Variants in ROBO1 observed in about 807,000 individuals in gnomAD.
ROBO1 encodes the protein roundabout homolog 1.
Under a neutral mutation model 195.9 loss-of-function variants are expected in ROBO1, and 149 were observed. The observed-to-expected ratio is 0.76, with a 90% CI of 0.67 to 0.87. ROBO1 has a LOEUF of 0.87. Ranked by LOEUF, ROBO1 falls within the 40% of genes least tolerant of loss-of-function variation. The pLI is 0.00. For synonymous variants in ROBO1, 816 were observed against 733.2 expected, an observed-to-expected ratio of 1.11 and a Z score of -1.82; for missense variants, 1,933 against 2,068.3, an observed-to-expected ratio of 0.93 and a Z score of 1.27.
chr3:79,056,973 C>T (rs1483779525), intron 3 of ROBO1, among the ~76,000 whole-genome samples: 3 of 152,180 alleles, frequency 2.0e-5, no homozygotes, highest in South Asian at 2.1e-4. Flanking sequence ...TCCTTGAAAT[C>T]GGCTCGAAGT....
At position 78,727,348 on chromosome 3, in the gene ROBO1, C is replaced by T. The variant is rs963800142; in HGVS notation, c.658-9465G>A. On this transcript the variant is annotated intron_variant, in intron 5 of 30. Coordinates refer to ENST00000464233, the MANE Select transcript of ROBO1 (RefSeq NM_002941.4). Reference sequence around the variant, plus strand: ...ATACTTTAAAAAACTACATCTCGGCCGGGCGCGGTGGCTCATGCCTGTAAT... The same window carrying T: ...ATACTTTAAAAAACTACATCTCGGCTGGGCGCGGTGGCTCATGCCTGTAAT... Among the ~76,000 whole-genome samples the T allele has an allele frequency of 7.9e-5, 12 of 152,198 alleles. No individual in the cohort carries two copies. In the East Asian group the frequency reaches 1.5e-3, roughly 20 times the overall value.
At chr3:79,767,372 G>C (rs1363567380) in intron 1 of ROBO1, among the ~76,000 whole-genome samples, 1 of 152,006 alleles carries the variant, frequency 6.6e-6, no homozygotes, top group African/African-American at 2.4e-5. Flanking sequence ...AGCCAAAAGC[G>C]GCACGAAACC....
chr3:78,780,194 G>A (rs1446728479), intron 4 of ROBO1, among the ~76,000 whole-genome samples: 4 of 152,008 alleles, frequency 2.6e-5, no homozygotes, highest in African/African-American at 4.8e-5. Context: ...ACCATAGCAC[G>A]TGTATACCTG....
chr3:79,444,854 C>T (rs2039185752), intron 2 of ROBO1, among the ~76,000 whole-genome samples: 2 of 151,754 alleles, frequency 1.3e-5, no homozygotes, highest in African/African-American at 4.8e-5. Context: ...TATGGAAGAA[C>T]ATATACAAAG....
At chr3:78,804,323 G>T (rs919385127) in intron 4 of ROBO1, among the ~76,000 whole-genome samples, 3 of 151,948 alleles carry the variant, frequency 2.0e-5, no homozygotes, top group Non-Finnish European at 4.4e-5. Context: ...TCTCCAGAAA[G>T]ATATAAGAGA....
At chr3:79,567,008 G>T (rs753125977) in intron 2 of ROBO1, among the ~76,000 whole-genome samples, 22 of 152,210 alleles carry the variant, frequency 1.4e-4, no homozygotes, top group Middle Eastern at 3.4e-3. Flanking sequence ...CAACCTAAAT[G>T]CCCATCAATG....
At chr3:78,649,299 AAGG>A (rs1454797838) in intron 19 of ROBO1, among the ~76,000 whole-genome samples, 2 of 152,132 alleles carry the variant, frequency 1.3e-5, no homozygotes, top group Non-Finnish European at 2.9e-5. Context: ...AAGAGATGAA[AAGG>A]AGGTCAATCT....
intron 2 of ROBO1, among the ~76,000 whole-genome samples, chr3:79,365,226 T>C (rs926375892): frequency 2.6e-5 from 4 of 152,150 alleles, no homozygotes; most frequent in African/African-American, 4.8e-5. Flanking sequence ...TTCACCAGCA[T>C]TTTTTATATC....
At chr3:78,650,267 C>T (rs1230038778) in intron 19 of ROBO1, among the ~76,000 whole-genome samples, 1 of 152,034 alleles carries the variant, frequency 6.6e-6, no homozygotes, top group Admixed American at 6.6e-5. Context: ...TTTCAGTAAC[C>T]TCCAAGCCCT....
chr3:79,039,565 A>G (rs915372855), intron 3 of ROBO1, among the ~76,000 whole-genome samples: 3 of 152,098 alleles, frequency 2.0e-5, no homozygotes, highest in Non-Finnish European at 4.4e-5. Context: ...TGGGAGGCCG[A>G]GGTGGGCAGA....
intron 4 of ROBO1, among the ~76,000 whole-genome samples, chr3:78,845,267 G>T (rs765682987): frequency 1.1e-4 from 17 of 149,620 alleles, no homozygotes; most frequent in Non-Finnish European, 2.5e-4. Context: ...AATGTGCACA[G>T]ATTTTAGAGA....
At chr3:79,012,095 G>A (rs1437915110) in intron 3 of ROBO1, among the ~76,000 whole-genome samples, 1 of 152,172 alleles carries the variant, frequency 6.6e-6, no homozygotes, top group Non-Finnish European at 1.5e-5. Context: ...AGCATCTTGA[G>A]AAAGTGTTTT....
chr3:79,208,660 AGTT>A (rs555072511), intron 2 of ROBO1, among the ~76,000 whole-genome samples: 26 of 151,090 alleles, frequency 1.7e-4, no homozygotes, highest in South Asian at 4.2e-4. Flanking sequence ...AAGTTAATAT[AGTT>A]GTTGTTGGTC....
intron 4 of ROBO1, among the ~76,000 whole-genome samples, chr3:78,932,180 AT>A (rs1453552293): frequency 1.3e-5 from 2 of 152,274 alleles, no homozygotes. Context: ...AAAAAGAGTG[AT>A]CTGATGATAA....
At chr3:79,438,672 A>G (rs1291417889) in intron 2 of ROBO1, among the ~76,000 whole-genome samples, 1 of 152,052 alleles carries the variant, frequency 6.6e-6, no homozygotes, top group Non-Finnish European at 1.5e-5. Context: ...ATGATAGCAA[A>G]TTGGTTTTAT....
At chr3:79,453,492 C>G (rs1291977043) in intron 2 of ROBO1, among the ~76,000 whole-genome samples, 1 of 152,022 alleles carries the variant, frequency 6.6e-6, no homozygotes, top group Non-Finnish European at 1.5e-5. Flanking sequence ...GGTTATAGCT[C>G]TAACTTAGGC....
chr3:79,638,536 T>C (rs929800487), intron 1 of ROBO1, among the ~76,000 whole-genome samples: 5 of 152,092 alleles, frequency 3.3e-5, no homozygotes, highest in Non-Finnish European at 7.4e-5. Context: ...AGCCTGGACC[T>C]CCCACAGTGC....
rs532562590 is a variant in ROBO1 at position 78,667,916 on chromosome 3, G to C, written c.1933C>G (p.Pro645Ala). 6.2e-7 allele frequency: 1 copy of C among 1,613,608 alleles called. No homozygotes were observed. Among genetic ancestry groups the C allele is most frequent in the South Asian group, 1.1e-5 (1 of 91,070 alleles). ...TTCACTGGATCTGATATTTGGCTTG[G>C]ATCACTAATTCCATATGCATTAGCT... ...RAANAYGISD[P>A]SQISDPVKTQ... The change falls in exon 14 of 31, where the codon CCA (proline) becomes GCA (alanine). Residue 645 changes from proline to alanine, a missense_variant. By Grantham distance (27) the Pro-to-Ala change is conservative. Transcript: ENST00000464233.
intron 2 of ROBO1, among the ~76,000 whole-genome samples, chr3:79,443,980 G>GAA (rs551952906): frequency 4.7e-5 from 6 of 126,936 alleles, no homozygotes; most frequent in South Asian, 2.5e-4. Context: ...CACATGAAAA[G>GAA]AAAAAAAAAA....
Sources: gnomAD v4.1 joint callset for allele counts (sites outside exome capture counted in the v4.1 genomes callset) on GRCh38, gnomAD v4.1.1 for gene constraint, MANE v1.5 for transcripts, NCBI Gene and HGNC (gene_info 2026-07-23, HGNC 2026-07-21) for gene names.